Variants in TMC7 observed in about 807,000 individuals in gnomAD.
TMC7 encodes the protein transmembrane channel like 7.
A neutral mutation model predicts 82.9 loss-of-function variants in TMC7; 54 were observed. That is an observed-to-expected ratio of 0.65 (90% confidence interval 0.52 to 0.82). The LOEUF (loss-of-function observed/expected upper bound fraction) is 0.82. Ranked by LOEUF, TMC7 falls within the 40% of genes least tolerant of loss-of-function variation. The pLI is 0.00. For synonymous variants in TMC7, 350 were observed against 337.9 expected, an observed-to-expected ratio of 1.04 and a Z score of -0.39; for missense variants, 820 against 901.2, an observed-to-expected ratio of 0.91 and a Z score of 1.15.
At position 19,004,399 on chromosome 16, in the gene TMC7, C is replaced by T. The variant is rs1176906787; in HGVS notation, c.68-4773C>T. Among the ~76,000 whole-genome samples the T allele has an allele frequency of 3.3e-5, 5 of 152,182 alleles. No homozygotes were observed. In the South Asian group the frequency reaches 6.2e-4, roughly 19 times the overall value. On this transcript the variant is annotated intron_variant, in intron 1 of 15. Transcript: ENST00000304381. ...ATATTTTTTGGGATGGAGTCTTGCT[C>T]TGTTGCCCAGGTTGGAGTGCAGTGG...
chr16:19,003,436 C>T (rs1382267687), intron 1 of TMC7, among the ~76,000 whole-genome samples: 1 of 150,186 alleles, frequency 6.7e-6, no homozygotes, highest in African/African-American at 2.5e-5. Context: ...CCCGGCCAGC[C>T]GCCCCGTCCG....
chr16:19,058,983 T>G (rs1961887896), intron 14 of TMC7, among the ~76,000 whole-genome samples: 2 of 152,198 alleles, frequency 1.3e-5, no homozygotes, highest in African/African-American at 4.8e-5. Flanking sequence ...GTTCAAGGGA[T>G]TCTCCTGTCT....
intron 12 of TMC7, among the ~76,000 whole-genome samples, chr16:19,050,316 G>A (rs979194368): frequency 3.2e-5 from 4 of 124,752 alleles, no homozygotes; most frequent in Admixed American, 2.1e-4. Flanking sequence ...GCAGTGAGCC[G>A]AGATCGCGCT....
At chr16:19,045,755 C>T (rs1229945599) in intron 11 of TMC7, among the ~76,000 whole-genome samples, 1 of 151,812 alleles carries the variant, frequency 6.6e-6, no homozygotes, top group Non-Finnish European at 1.5e-5. Flanking sequence ...TGCCACCATG[C>T]CTGGCTAATT....
chr16:19,006,269 C>T (rs138165626), intron 1 of TMC7, among the ~76,000 whole-genome samples: 1,590 of 150,796 alleles, frequency 0.011, 32 homozygotes, highest in African/African-American at 0.037. Context: ...GGCACGATCT[C>T]GGCTCACTGC....
rs4567694 is a variant in TMC7, at chr16:19,063,869, C to G, written c.*2026C>G. 2 of 152,114 alleles carry G rather than the reference C, an allele frequency of 1.3e-5. No individual in the cohort carries two copies. The highest frequency in any genetic ancestry group is 2.4e-5 in the African/African-American group (1 of 41,366). The allele number at this position is 152,114 out of a possible 1,614,324, so 9.4% of individuals were successfully genotyped here. A position where few individuals can be genotyped will look rare whatever the true frequency, so the allele number is the denominator to read the frequency against. On this transcript the variant is annotated 3_prime_UTR_variant, in exon 16 of 16. Coordinates refer to ENST00000304381, the MANE Select transcript of TMC7 (RefSeq NM_024847.4). Reference sequence around the variant, plus strand: ...ATAACTTCAGGTGATGTCTGTATAACTTTTAAAGTGCAGCTCTCTCTAACA... The same window carrying G: ...ATAACTTCAGGTGATGTCTGTATAAGTTTTAAAGTGCAGCTCTCTCTAACA...
chr16:18,994,723 G>A (rs2039010888), intron 1 of TMC7, among the ~76,000 whole-genome samples: 1 of 152,120 alleles, frequency 6.6e-6, no homozygotes, highest in Admixed American at 6.6e-5. Flanking sequence ...TGGTTGATAA[G>A]GCTCAGATCC....
chr16:19,007,396 G>A (rs1162712770), intron 1 of TMC7, among the ~76,000 whole-genome samples: 2 of 152,142 alleles, frequency 1.3e-5, no homozygotes, highest in Non-Finnish European at 2.9e-5. Flanking sequence ...AGGGGACCAC[G>A]CAGAGGGCCA....
chr16:18,984,246 G>C (rs372123118), intron 1 of TMC7, 116 bp downstream of exon 1: 45 of 1,343,972 alleles, frequency 3.3e-5, no homozygotes, highest in East Asian at 2.5e-4. Flanking sequence ...CCCGACGCCG[G>C]GTGCTCCCGG....
chr16:19,047,840 A>G (rs1032700193), intron 12 of TMC7, among the ~76,000 whole-genome samples: 1 of 149,998 alleles, frequency 6.7e-6, no homozygotes, highest in South Asian at 2.1e-4. Flanking sequence ...CAGCATCCTG[A>G]GTAGCTGGGA....
chr16:19,016,646 CTG>C (rs1483952142), intron 3 of TMC7, 48 bp downstream of exon 3: 12 of 1,589,810 alleles, frequency 7.5e-6, no homozygotes, highest in Middle Eastern at 2.2e-4. Flanking sequence ...AAGTCTGTGT[CTG>C]GGGAGCAAGT....
At chr16:19,030,686 C>T (rs1208084128) in intron 6 of TMC7, among the ~76,000 whole-genome samples, 2 of 150,694 alleles carry the variant, frequency 1.3e-5, no homozygotes, top group African/African-American at 4.9e-5. Flanking sequence ...TCAAGTGATT[C>T]TTGTGCCTCA....
At chr16:19,045,993 G>C (rs1375478017) in intron 11 of TMC7, among the ~76,000 whole-genome samples, 1 of 152,124 alleles carries the variant, frequency 6.6e-6, no homozygotes, top group East Asian at 1.9e-4. Flanking sequence ...CTTCCAAAGT[G>C]CTGGGATTAC....
intron 4 of TMC7, 76 bp from the exon 5 acceptor site, chr16:19,023,037 A>G: frequency 1.1e-6 from 1 of 899,040 alleles, no homozygotes; most frequent in Non-Finnish European, 1.7e-6. Context: ...ACAAACAAAC[A>G]AACAAACAAA....
At chr16:19,034,618 A>ATAAG (rs1567519908) in intron 6 of TMC7, among the ~76,000 whole-genome samples, 2 of 140,896 alleles carry the variant, frequency 1.4e-5, no homozygotes, top group East Asian at 3.9e-4. Context: ...AAATAAGTAA[A>ATAAG]TAAATAAATA....
At chr16:19,001,172 C>T (rs1224395830) in intron 1 of TMC7, among the ~76,000 whole-genome samples, 1 of 151,986 alleles carries the variant, frequency 6.6e-6, no homozygotes, top group Non-Finnish European at 1.5e-5. Flanking sequence ...CTTTGGTTGG[C>T]GTGGTGGGTG....
Position 19,045,015 on chromosome 16 carries a change from CG to C in TMC7, c.1455+19del. ...AAACTCTACCCGGTGAGTTGCGGGGCGGGGGCGTTCGGCTGGGTGGGTCCTT... is the reference window on the plus strand; with the variant it reads ...AAACTCTACCCGGTGAGTTGCGGGGCGGGGCGTTCGGCTGGGTGGGTCCTT... On this transcript the variant is annotated intron_variant, in intron 10 of 15. Transcript: ENST00000304381. The C allele has an allele frequency of 6.5e-7, 1 of 1,545,270 alleles. No homozygotes were observed. The highest frequency in any genetic ancestry group is 8.9e-7 in the Non-Finnish European group (1 of 1,119,316).
rs1186034546 is a variant in TMC7, at chr16:19,061,666, G to C, written c.2107-112G>C. The C allele has an allele frequency of 4.9e-6, 4 of 808,472 alleles. No homozygotes were observed. In the East Asian group the frequency reaches 1.1e-4, roughly 22 times the overall value. The allele number at this position is 808,472 out of a possible 1,614,324, so 50.1% of individuals were successfully genotyped here. A position where few individuals can be genotyped will look rare whatever the true frequency, so the allele number is the denominator to read the frequency against. On this transcript the variant is annotated intron_variant, in intron 15 of 15. Coordinates refer to ENST00000304381, the MANE Select transcript of TMC7 (RefSeq NM_024847.4). Reference sequence around the variant, plus strand: ...GCAGACACAATGACAGACCAGATGAGAGGCCATTACAATAGTCCAGTGGTT... The same window carrying C: ...GCAGACACAATGACAGACCAGATGACAGGCCATTACAATAGTCCAGTGGTT...
chr16:19,058,399 AAAAT>A (rs147283236), intron 14 of TMC7, among the ~76,000 whole-genome samples: 8,161 of 152,080 alleles, frequency 0.054, 277 homozygotes, highest in South Asian at 0.13. Context: ...ATAAATAAAT[AAAAT>A]AAATAAAATA....
Sources: allele counts gnomAD v4.1 joint callset (sites outside exome capture counted in the v4.1 genomes callset), GRCh38; gene constraint gnomAD v4.1.1; transcripts MANE v1.5; gene names NCBI Gene and HGNC (gene_info 2026-07-23, HGNC 2026-07-21).